The following BMAL2 variants were observed in gnomAD, a reference collection of about 807,000 sequenced individuals.
BMAL2 encodes the protein basic helix-loop-helix ARNT like 2, also known as basic helix-loop-helix ARNT-like protein 2.
the BMAL2 span, among the ~76,000 whole-genome samples, chr12:27,370,667 G>A: frequency 1.3e-5 from 2 of 152,050 alleles, no homozygotes; most frequent in Non-Finnish European, 2.9e-5. Flanking sequence ...TGCAAATGGC[G>A]CAATCTCGGC....
the BMAL2 span, among the ~76,000 whole-genome samples, chr12:27,404,579 A>G: frequency 1.3e-5 from 2 of 152,246 alleles, no homozygotes; most frequent in Admixed American, 6.5e-5. Context: ...TTACAGATAA[A>G]TCAGAGTTCA....
At chr12:27,407,560 A>C in the BMAL2 span, among the ~76,000 whole-genome samples, 1 of 152,234 alleles carries the variant, frequency 6.6e-6, no homozygotes, top group African/African-American at 2.4e-5. Flanking sequence ...ACAAAGACAC[A>C]ACATACCAGA....
chr12:27,351,475 A>G, the BMAL2 span, among the ~76,000 whole-genome samples: 1 of 152,110 alleles, frequency 6.6e-6, no homozygotes, highest in Non-Finnish European at 1.5e-5. Flanking sequence ...ATAGTACACA[A>G]TTTGCCCTTG....
At chr12:27,367,207 GTAC>G in the BMAL2 span, among the ~76,000 whole-genome samples, 2 of 152,122 alleles carry the variant, frequency 1.3e-5, no homozygotes, top group Non-Finnish European at 2.9e-5. Flanking sequence ...CAGCACTGTG[GTAC>G]TGCAACAGTG....
the BMAL2 span, among the ~76,000 whole-genome samples, chr12:27,420,019 G>GCGCGCGCGCGCACA: frequency 2.0e-4 from 29 of 147,568 alleles, no homozygotes; most frequent in East Asian, 1.8e-3. Flanking sequence ...GTTTGCGCGT[G>GCGCGCGCGCGCACA]CACACACACA....
the BMAL2 span, among the ~76,000 whole-genome samples, chr12:27,344,144 T>A: frequency 0.068 from 10,357 of 152,280 alleles, 466 homozygotes; most frequent in Non-Finnish European, 0.1. Flanking sequence ...TTAAGTACAT[T>A]GCCTAAGATT....
At chr12:27,333,372 C>T in the BMAL2 span, among the ~76,000 whole-genome samples, 1 of 152,106 alleles carries the variant, frequency 6.6e-6, no homozygotes, top group Non-Finnish European at 1.5e-5. Context: ...GACGCGGTGT[C>T]TTGGTCCCGG....
chr12:27,358,132 A>G, the BMAL2 span, among the ~76,000 whole-genome samples: 3 of 152,142 alleles, frequency 2.0e-5, no homozygotes, highest in African/African-American at 7.2e-5. Flanking sequence ...AGTGGGAGAA[A>G]ATCTTCGCTA....
chr12:27,389,123 A>G, the BMAL2 span: 6 of 1,190,820 alleles, frequency 5.0e-6, no homozygotes, highest in Non-Finnish European at 7.4e-6. Context: ...GTATGCATCA[A>G]GAAATGTAGA....
chr12:27,340,045 T>C, the BMAL2 span, among the ~76,000 whole-genome samples: 3 of 152,198 alleles, frequency 2.0e-5, no homozygotes, highest in Non-Finnish European at 2.9e-5. Context: ...CATTCTGTTG[T>C]AGGTTGTCTG....
the BMAL2 span, among the ~76,000 whole-genome samples, chr12:27,384,729 G>A: frequency 1.3e-5 from 2 of 152,050 alleles, no homozygotes; most frequent in East Asian, 3.8e-4. Context: ...AATAAACTAG[G>A]ATAATTATAG....
the BMAL2 span, among the ~76,000 whole-genome samples, chr12:27,353,692 C>G: frequency 4.6e-5 from 7 of 152,074 alleles, 1 homozygote; most frequent in South Asian, 1.0e-3. Flanking sequence ...GGTCAAATAT[C>G]CAGAATCTAT....
chr12:27,390,317 T>C, the BMAL2 span: 5 of 1,442,902 alleles, frequency 3.5e-6, no homozygotes, highest in South Asian at 4.9e-5. Flanking sequence ...ACAGAAAAAA[T>C]AAAATATATG....
the BMAL2 span, chr12:27,422,854 G>A: frequency 6.6e-6 from 1 of 152,322 alleles, no homozygotes; most frequent in African/African-American, 2.4e-5. Flanking sequence ...GGCCTCAAAA[G>A]CAGATGGGGG....
chr12:27,341,990 G>T, the BMAL2 span, among the ~76,000 whole-genome samples: 2 of 152,222 alleles, frequency 1.3e-5, no homozygotes, highest in East Asian at 3.9e-4. Context: ...AGGCCAAAGT[G>T]CAGTGGTGTG....
chr12:27,378,503 G>A, the BMAL2 span, among the ~76,000 whole-genome samples: 1 of 152,198 alleles, frequency 6.6e-6, no homozygotes, highest in African/African-American at 2.4e-5. Flanking sequence ...ATGTGAGACG[G>A]TATGGCATGT....
the BMAL2 span, among the ~76,000 whole-genome samples, chr12:27,364,412 C>T: frequency 7.2e-5 from 11 of 152,040 alleles, no homozygotes; most frequent in East Asian, 1.2e-3. Flanking sequence ...CAATTGATCC[C>T]GGACCATTTA....
the BMAL2 span, chr12:27,400,812 G>T: frequency 6.6e-7 from 1 of 1,525,778 alleles, no homozygotes; most frequent in Non-Finnish European, 8.8e-7. Context: ...GAATTCAATG[G>T]GATATTTGAA....
the BMAL2 span, chr12:27,425,119 T>G: frequency 1.3e-5 from 2 of 152,170 alleles, no homozygotes; most frequent in Non-Finnish European, 2.9e-5. Flanking sequence ...TATTCTTGAG[T>G]TTAGATTTGT....
Sources: allele counts gnomAD v4.1 joint callset (sites outside exome capture counted in the v4.1 genomes callset), GRCh38; gene constraint gnomAD v4.1.1; transcripts MANE v1.5; gene names NCBI Gene and HGNC (gene_info 2026-07-23, HGNC 2026-07-21).